The following UNC79 variants were observed in gnomAD, a reference collection of about 807,000 sequenced individuals.
UNC79 encodes the protein protein unc-79 homolog.
UNC79 carries 37 observed loss-of-function variants against 283.1 expected under a neutral mutation model. That is an observed-to-expected ratio of 0.13 (90% CI 0.10 to 0.17). The LOEUF (loss-of-function observed/expected upper bound fraction) is 0.17. Among genes scored for constraint, UNC79 ranks in the 10% least tolerant of loss-of-function variants. UNC79 has a pLI of 1.00. For synonymous variants in UNC79, 1,107 were observed against 1,200.2 expected, an observed-to-expected ratio of 0.92 and a Z score of 1.61; for missense variants, 2,272 against 3,211.1, an observed-to-expected ratio of 0.71 and a Z score of 7.07.
intron 38 of UNC79, among the ~76,000 whole-genome samples, chr14:93,657,986 G>T (rs1386651599): frequency 6.6e-6 from 1 of 152,034 alleles, no homozygotes; most frequent in Non-Finnish European, 1.5e-5. Flanking sequence ...AATCACTATG[G>T]GGGCCTGATG....
intron 34 of UNC79, among the ~76,000 whole-genome samples, chr14:93,645,277 G>A (rs747039381): frequency 1.2e-4 from 18 of 152,204 alleles, no homozygotes; most frequent in Non-Finnish European, 2.2e-4. Flanking sequence ...TGTTAGGATT[G>A]AAACACATGA....
chr14:93,369,136 C>T (rs1322793088), intron 1 of UNC79, among the ~76,000 whole-genome samples: 1 of 152,122 alleles, frequency 6.6e-6, no homozygotes, highest in Non-Finnish European at 1.5e-5. Context: ...ATACATTAAC[C>T]CAAAGGGTGT....
intron 5 of UNC79, among the ~76,000 whole-genome samples, chr14:93,493,362 G>T (rs1176050177): frequency 6.6e-6 from 1 of 152,104 alleles, no homozygotes; most frequent in African/African-American, 2.4e-5. Context: ...TGTTAGGGAG[G>T]CCTGCGTTTA....
intron 22 of UNC79, among the ~76,000 whole-genome samples, chr14:93,590,408 G>A (rs141638575): frequency 7.5e-4 from 114 of 152,244 alleles, no homozygotes; most frequent in African/African-American, 2.6e-3. Flanking sequence ...GGAATGACCC[G>A]GAGGGAACAG....
chr14:93,398,468 C>T (rs751530196), intron 1 of UNC79, among the ~76,000 whole-genome samples: 1 of 152,190 alleles, frequency 6.6e-6, no homozygotes, highest in Non-Finnish European at 1.5e-5. Flanking sequence ...TGAGAGAGCA[C>T]AATCACATTA....
At chr14:93,680,543 C>T (rs1257158694) in intron 41 of UNC79, among the ~76,000 whole-genome samples, 1 of 152,118 alleles carries the variant, frequency 6.6e-6, no homozygotes, top group African/African-American at 2.4e-5. Context: ...TTTTAGAACT[C>T]AATTATAAGT....
intron 32 of UNC79, among the ~76,000 whole-genome samples, chr14:93,639,972 A>G (rs1340156427): frequency 1.3e-5 from 2 of 152,206 alleles, no homozygotes; most frequent in African/African-American, 4.8e-5. Context: ...GATGAGAAAG[A>G]TTATTTAATG....
chr14:93,402,207 G>T (rs185536550), intron 1 of UNC79, among the ~76,000 whole-genome samples: 3 of 145,352 alleles, frequency 2.1e-5, no homozygotes, highest in African/African-American at 7.6e-5. Context: ...AACCCAAGAT[G>T]CGGAGATTGC....
At chr14:93,610,354 T>C (rs1357825815) in intron 26 of UNC79, among the ~76,000 whole-genome samples, 3 of 152,136 alleles carry the variant, frequency 2.0e-5, no homozygotes, top group African/African-American at 7.2e-5. Flanking sequence ...GTTGAGCCAG[T>C]GTGAACATGA....
intron 35 of UNC79, among the ~76,000 whole-genome samples, chr14:93,651,026 G>C (rs1322760844): frequency 6.6e-6 from 1 of 152,104 alleles, no homozygotes; most frequent in Non-Finnish European, 1.5e-5. Context: ...TTTCAGCACA[G>C]TTAAAAAAGA....
intron 24 of UNC79, among the ~76,000 whole-genome samples, chr14:93,599,506 CT>C (rs976000531): frequency 2.7e-4 from 41 of 152,080 alleles, no homozygotes; most frequent in Admixed American, 1.3e-4. Flanking sequence ...GTGGCACATT[CT>C]TTTTTTTGTA....
At chr14:93,566,639 A>T (rs1050234200) in intron 14 of UNC79, among the ~76,000 whole-genome samples, 2 of 136,282 alleles carry the variant, frequency 1.5e-5, no homozygotes, top group Admixed American at 7.6e-5. Context: ...AGTTTCTGGA[A>T]TTTTTTTTTT....
chr14:93,667,441 G>A lies in UNC79; in HGVS notation c.6636+4727G>A, dbSNP rs181515692. Among the ~76,000 whole-genome samples the A allele has an allele frequency of 2.4e-3, 318 of 133,632 alleles. 4 individuals are homozygous for A. Among genetic ancestry groups the A allele is most frequent in the African/African-American group, 8.0e-3 (304 of 37,964 alleles). 87.7% of individuals were successfully genotyped at this position (133,632 alleles called of 152,430 possible). On this transcript the variant is annotated intron_variant, in intron 40 of 48. Transcript: ENST00000555664. ...TCAACAACCTTATGCCAGTAAATTT[G>A]AAATCTTTGACAGTAGGTACAATTT...
intron 14 of UNC79, among the ~76,000 whole-genome samples, chr14:93,566,684 C>T (rs1283389665): frequency 7.0e-6 from 1 of 143,392 alleles, no homozygotes; most frequent in Non-Finnish European, 1.5e-5. Context: ...TGTTGCCAGG[C>T]AGGAGTGCAG....
Position 93,369,000 on chromosome 14 carries a change from A to G in UNC79, c.-351+35477A>G, listed in dbSNP as rs74707410. On this transcript the variant is annotated intron_variant, in intron 1 of 49. Transcript: ENST00000256339. ...TGGAGAAGACAAATGCCCTTTAGAA[A>G]ACTTCTTTATTGCAGGGGTTTGAGT... Among the ~76,000 whole-genome samples the G allele has an allele frequency of 3.5e-3, 530 of 152,280 alleles. 12 individuals are homozygous for G. In the South Asian group the frequency reaches 0.052, roughly 15 times the overall value.
chr14:93,555,154 A>G (rs1567104323), intron 14 of UNC79, among the ~76,000 whole-genome samples: 1 of 152,240 alleles, frequency 6.6e-6, no homozygotes, highest in Admixed American at 6.5e-5. Flanking sequence ...TTATTTCATT[A>G]ATAGTCTTTA....
Position 93,617,212 on chromosome 14 carries a change from T to C in UNC79, c.4132T>C (p.Tyr1378His). 6.2e-7 allele frequency: 1 copy of C among 1,614,220 alleles called. No homozygotes were observed. Among genetic ancestry groups the C allele is most frequent in the Non-Finnish European group, 8.5e-7 (1 of 1,180,030 alleles). The change falls in exon 28 of 49, where the codon TAT becomes CAT. Residue 1378 changes from tyrosine to histidine, a missense_variant. Physicochemically the swap from Tyr to His is moderately conservative, Grantham distance 83 (BLOSUM62 2). Coordinates refer to ENST00000555664, the Ensembl canonical transcript of UNC79. The surrounding 1 kb of genome is among the most constrained non-coding windows in gnomAD (Gnocchi z 4.5). ...CTGCTCTTGTCCTCAACTCCGGCAT[T>C]ATTTCCAACAGCCGCCTCGTTGCTC...
At chr14:93,462,368 G>A (rs1391842956) in intron 1 of UNC79, among the ~76,000 whole-genome samples, 1 of 152,194 alleles carries the variant, frequency 6.6e-6, no homozygotes, top group African/African-American at 2.4e-5. Context: ...ACGACGTTAG[G>A]TTGGAAGGTA....
At chr14:93,432,279 A>G (rs1461679473) in intron 1 of UNC79, among the ~76,000 whole-genome samples, 1 of 152,230 alleles carries the variant, frequency 6.6e-6, no homozygotes, top group Non-Finnish European at 1.5e-5. Flanking sequence ...GAAATTGTGC[A>G]TGCCCACCTA....
Sources: gnomAD v4.1 joint callset for allele counts (sites outside exome capture counted in the v4.1 genomes callset) on GRCh38, gnomAD v4.1.1 for gene constraint, Gnocchi (gnomAD v3.1) non-coding constraint, MANE v1.5 for transcripts, NCBI Gene and HGNC (gene_info 2026-07-23, HGNC 2026-07-21) for gene names.